C2CD3: variants seen among roughly 807,000 people sequenced by gnomAD.
C2CD3 encodes the protein C2 domain containing 3 centriole elongation regulator.
In C2CD3, 148 loss-of-function variants were observed where a neutral mutation model predicts 234.0. The ratio of observed to expected loss-of-function variants is 0.63; its 90% CI spans 0.55 to 0.72. The LOEUF (loss-of-function observed/expected upper bound fraction) is 0.72, where lower values mean the gene tolerates loss of function less well. Among genes scored for constraint, C2CD3 ranks in the 30% least tolerant of loss-of-function variants. C2CD3 has a pLI of 0.00. For missense variants in C2CD3, 2,577 were observed against 2,811.5 expected, an observed-to-expected ratio of 0.92 and a Z score of 1.89; for synonymous variants, 1,000 against 1,035.4, an observed-to-expected ratio of 0.97 and a Z score of 0.66.
At chr11:74,065,824 A>G (rs996616724) in intron 24 of C2CD3, among the ~76,000 whole-genome samples, 3 of 150,168 alleles carry the variant, frequency 2.0e-5, no homozygotes, top group African/African-American at 7.3e-5. Flanking sequence ...CAAAAAAACC[A>G]AACACCGCAT....
At chr11:74,130,062 G>C (rs1312599379) in intron 7 of C2CD3, 1 of 147,972 alleles carries the variant, frequency 6.8e-6, no homozygotes, top group African/African-American at 2.5e-5. Flanking sequence ...GGGAGACCGT[G>C]GAAAGAGAGG....
chr11:74,107,335 C>G (rs1185512827), intron 12 of C2CD3, among the ~76,000 whole-genome samples: 3 of 151,970 alleles, frequency 2.0e-5, no homozygotes, highest in Non-Finnish European at 4.4e-5. Context: ...CACACACACA[C>G]ACACACACAC....
At chr11:74,017,883 G>A (rs1951935861) in intron 32 of C2CD3, among the ~76,000 whole-genome samples, 1 of 152,210 alleles carries the variant, frequency 6.6e-6, no homozygotes, top group South Asian at 2.1e-4. Flanking sequence ...CCAGCCCCCA[G>A]ATGGATTCCT....
At chr11:74,137,626 C>T (rs1565335947) in intron 5 of C2CD3, among the ~76,000 whole-genome samples, 1 of 150,756 alleles carries the variant, frequency 6.6e-6, no homozygotes, top group African/African-American at 2.4e-5. Context: ...GCTCCGTTGC[C>T]CAGGCTGGAG....
chr11:74,155,418 C>T (rs186330492), intron 3 of C2CD3, among the ~76,000 whole-genome samples: 3 of 152,176 alleles, frequency 2.0e-5, no homozygotes, highest in East Asian at 3.9e-4. Context: ...CCCAAGAGAA[C>T]GGAAAGCATA....
intron 13 of C2CD3, 88 bp downstream of exon 13, chr11:74,106,283 T>A: frequency 7.5e-7 from 1 of 1,335,856 alleles, no homozygotes; most frequent in South Asian, 1.3e-5. Flanking sequence ...AAGACCTTGC[T>A]TTTCTTGTTC....
chr11:74,099,208 C>T (rs1195388352), intron 15 of C2CD3, among the ~76,000 whole-genome samples: 1 of 152,208 alleles, frequency 6.6e-6, no homozygotes, highest in African/African-American at 2.4e-5. Context: ...CAGGACTACC[C>T]AGCCTGGCCA....
intron 24 of C2CD3, chr11:74,070,827 G>A (rs1287884119): frequency 6.6e-6 from 1 of 151,844 alleles, no homozygotes; most frequent in Non-Finnish European, 1.5e-5. Flanking sequence ...TTTGGCCAAT[G>A]TCCCATTCTC....
intron 26 of C2CD3, among the ~76,000 whole-genome samples, chr11:74,050,453 C>T (rs1953621677): frequency 6.6e-6 from 1 of 152,188 alleles, no homozygotes; most frequent in African/African-American, 2.4e-5. Context: ...TTCTTTGCTA[C>T]TTATTCCTCA....
At chr11:74,114,193 C>G (rs1018530956) in intron 10 of C2CD3, among the ~76,000 whole-genome samples, 191 bp downstream of exon 10, 1 of 152,036 alleles carries the variant, frequency 6.6e-6, no homozygotes, top group Non-Finnish European at 1.5e-5. Context: ...GAGTCTGTAT[C>G]TTAATTTTCT....
intron 20 of C2CD3, 50 bp from the exon 21 acceptor site, chr11:74,085,936 A>T: frequency 2.6e-6 from 4 of 1,526,252 alleles, no homozygotes; most frequent in Non-Finnish European, 3.5e-6. Context: ...AACATTAGAA[A>T]TCAGCTTGAT....
chr11:74,133,530 C>T lies in C2CD3; in HGVS notation c.983G>A (p.Arg328His), dbSNP rs759547604. Reference protein sequence around the residue: ...SALLEQGNKLRNAMVISAMKS... With the variant: ...SALLEQGNKLHNAMVISAMKS... ...CATTGCAGAAATCACCATGGCATTA[C>T]GCAGTTTATTGCCTTGTTCTAACAG... Residue 328 changes from arginine to histidine, a missense_variant, in exon 6 of 33, where the codon CGT becomes CAT. By Grantham distance (29) the Arg-to-His change is conservative (BLOSUM62 0). Coordinates refer to ENST00000334126, the MANE Select transcript of C2CD3 (RefSeq NM_001286577.2). 5.0e-5 allele frequency: 81 copies of T among 1,613,976 alleles called. No homozygotes were observed. Among genetic ancestry groups the T allele is most frequent in the Non-Finnish European group, 6.3e-5 (74 of 1,179,908 alleles).
intron 32 of C2CD3, among the ~76,000 whole-genome samples, chr11:74,022,232 T>G (rs1459483374): frequency 1.3e-5 from 2 of 152,046 alleles, no homozygotes; most frequent in East Asian, 3.8e-4. Context: ...GCCTTGGTGA[T>G]GTGGATCTTG....
In C2CD3 at chr11:74,161,482, G is replaced by C. The variant is rs1304816416; in HGVS notation, c.400C>G (p.Leu134Val). 3.7e-6 allele frequency: 6 copies of C among 1,600,256 alleles called. No individual in the cohort carries two copies. In the South Asian group the frequency reaches 6.7e-5, roughly 18 times the overall value. The change falls in exon 3 of 33, where the codon CTA (leucine) becomes GTA (valine). Residue 134 changes from leucine to valine, a missense_variant. Physicochemically the swap from Leu to Val is conservative, Grantham distance 32 (BLOSUM62 1). Coordinates refer to ENST00000334126, the MANE Select transcript of C2CD3 (RefSeq NM_001286577.2). ...LPIGRVQING[L>V]AQLSPTHQIN... ...TGATGGGTTGGAGAAAGTTGAGCTA[G>C]TCCATTGATCTGAACTCTACCAATT...
Position 74,108,367 on chromosome 11 carries a change from A to G in C2CD3, c.1962+667T>C, listed in dbSNP as rs368092352. On this transcript the variant is annotated intron_variant, in intron 12 of 32. Coordinates refer to ENST00000334126, the MANE Select transcript of C2CD3 (RefSeq NM_001286577.2). ...AAGAAAACAAGATGTTCTTCATGCTATCCATACCAAATAAGAGGTCAAAAG... is the reference window on the plus strand; with the variant it reads ...AAGAAAACAAGATGTTCTTCATGCTGTCCATACCAAATAAGAGGTCAAAAG... Among the ~76,000 whole-genome samples the G allele has an allele frequency of 2.0e-5, 3 of 152,146 alleles. No individual in the cohort carries two copies. The East Asian group carries it at 5.8e-4, about 29-fold the overall frequency.
chr11:74,089,390 A>T (rs904957861), intron 20 of C2CD3, among the ~76,000 whole-genome samples: 1 of 152,236 alleles, frequency 6.6e-6, no homozygotes, highest in African/African-American at 2.4e-5. Context: ...ACCTGTCTTG[A>T]CATCACCTTC....
intron 32 of C2CD3, among the ~76,000 whole-genome samples, chr11:74,020,058 A>G (rs919957398): frequency 6.6e-6 from 1 of 152,048 alleles, no homozygotes; most frequent in Non-Finnish European, 1.5e-5. Context: ...TGCCTCCTAC[A>G]CTCACTCCTT....
chr11:74,103,079 T>A, intron 14 of C2CD3, 52 bp downstream of exon 14: 2 of 1,509,738 alleles, frequency 1.3e-6, no homozygotes, highest in South Asian at 2.6e-5. Context: ...TTGGGAGGCA[T>A]TTGTCTCTCA....
rs1955996701 is a variant in C2CD3 at position 74,093,850 on chromosome 11, G to A, written c.3310C>T (p.Pro1104Ser). 1 of 1,613,956 alleles carries A rather than the reference G, an allele frequency of 6.2e-7. No individual in the cohort carries two copies. Among genetic ancestry groups the A allele is most frequent in the East Asian group, 2.2e-5 (1 of 44,864 alleles). The part of the protein sequence containing the change: ...LSAFSAQGLV[P>S]GGGVQFEIWC... Reference sequence around the variant, plus strand: ...ATTTCAAACTGGACTCCACCTCCAGGCACGAGGCCCTGTGCAGAGAAAGCA... The same window carrying A: ...ATTTCAAACTGGACTCCACCTCCAGACACGAGGCCCTGTGCAGAGAAAGCA... The change falls in exon 18 of 33, where the codon CCT becomes TCT. Residue 1104 changes from proline to serine, a missense_variant. Physicochemically the swap from Pro to Ser is moderately conservative, Grantham distance 74 (BLOSUM62 -1). Coordinates refer to ENST00000334126, the MANE Select transcript of C2CD3 (RefSeq NM_001286577.2).
Sources: gnomAD v4.1 joint callset for allele counts (sites outside exome capture counted in the v4.1 genomes callset) on GRCh38, gnomAD v4.1.1 for gene constraint, MANE v1.5 for transcripts, NCBI Gene and HGNC (gene_info 2026-07-23, HGNC 2026-07-21) for gene names.